KCTD8: variants seen among roughly 807,000 people sequenced by gnomAD.
KCTD8 encodes the protein potassium channel tetramerization domain containing 8, also known as BTB/POZ domain-containing protein KCTD8.
In KCTD8, 27 loss-of-function variants were observed where a neutral mutation model predicts 31.5. That is an observed-to-expected ratio of 0.86 (90% confidence interval 0.63 to 1.18). KCTD8 has a LOEUF of 1.18. KCTD8 is among the 50% of genes most tolerant of loss of function. KCTD8 has a pLI of 0.00. For missense variants in KCTD8, 658 were observed against 647.7 expected (o/e 1.02, Z -0.17); for synonymous variants, 290 against 280.0 (o/e 1.04, Z -0.36).
intron 1 of KCTD8, among the ~76,000 whole-genome samples, chr4:44,222,303 G>A (rs1239808897): frequency 1.3e-5 from 2 of 152,172 alleles, no homozygotes; most frequent in African/African-American, 2.4e-5. Context: ...CAGTCAGGAA[G>A]GAAAGCTCAA....
chr4:44,186,280 A>C (rs78370996), intron 1 of KCTD8, among the ~76,000 whole-genome samples: 6,016 of 152,290 alleles, frequency 0.04, 422 homozygotes, highest in African/African-American at 0.14. Flanking sequence ...GGAAGCAGTC[A>C]GAGGAGAATT....
intron 1 of KCTD8, among the ~76,000 whole-genome samples, chr4:44,408,775 C>T (rs1448120208): frequency 6.6e-6 from 1 of 152,020 alleles, no homozygotes; most frequent in East Asian, 2.0e-4. Context: ...CATGCCACCA[C>T]GCCCAGCTAA....
Position 44,300,339 on chromosome 4 carries a change from GA to G in KCTD8, c.962-125090del, listed in dbSNP as rs200322603. On this transcript the variant is annotated intron_variant, in intron 1 of 1. Transcript: ENST00000360029. The stretch of plus-strand genomic sequence containing the variant: ...GGATCTAATTACAATCATGCTATCA[GA>G]AAAAAAAGGTTATATTCATGTACAT... Among the ~76,000 whole-genome samples, 384 of 151,130 alleles carry G rather than the reference GA, an allele frequency of 2.5e-3. 11 individuals carry two copies. The East Asian group carries it at 0.059, about 23-fold the overall frequency.
chr4:44,446,076 C>G (rs1721931605), intron 1 of KCTD8, among the ~76,000 whole-genome samples: 1 of 152,108 alleles, frequency 6.6e-6, no homozygotes, highest in Non-Finnish European at 1.5e-5. Context: ...TCTGTTGAAA[C>G]CGTTGTCTCA....
At chr4:44,354,110 C>T (rs1719284006) in intron 1 of KCTD8, among the ~76,000 whole-genome samples, 1 of 152,058 alleles carries the variant, frequency 6.6e-6, no homozygotes, top group Non-Finnish European at 1.5e-5. Context: ...TTTGCAATAA[C>T]ATATGTATCC....
intron 1 of KCTD8, among the ~76,000 whole-genome samples, chr4:44,187,050 A>C (rs566092318): frequency 6.6e-6 from 1 of 152,274 alleles, no homozygotes; most frequent in Non-Finnish European, 1.5e-5. Context: ...TCGAAGATAA[A>C]CCATTTAGCA....
At chr4:44,195,944 T>G (rs1030842114) in intron 1 of KCTD8, among the ~76,000 whole-genome samples, 1 of 152,130 alleles carries the variant, frequency 6.6e-6, no homozygotes, top group Non-Finnish European at 1.5e-5. Context: ...AGTCAAATAG[T>G]TAAAAGTAAA....
chr4:44,186,712 C>T (rs1408239487), intron 1 of KCTD8, among the ~76,000 whole-genome samples: 1 of 152,134 alleles, frequency 6.6e-6, no homozygotes, highest in East Asian at 1.9e-4. Flanking sequence ...CATCACATGC[C>T]CTGCCAGGGG....
chr4:44,269,934 C>T (rs1716528049), intron 1 of KCTD8, among the ~76,000 whole-genome samples: 3 of 152,126 alleles, frequency 2.0e-5, no homozygotes, highest in Admixed American at 2.0e-4. Flanking sequence ...CACTTTTACA[C>T]TGTTGGTGGG....
intron 1 of KCTD8, among the ~76,000 whole-genome samples, chr4:44,194,241 G>A (rs547768715): frequency 6.6e-6 from 1 of 152,296 alleles, no homozygotes; most frequent in African/African-American, 2.4e-5. Context: ...GTGTTGAGAT[G>A]CCTTGAACTT....
chr4:44,367,674 T>C (rs773826206), intron 1 of KCTD8, among the ~76,000 whole-genome samples: 4 of 152,008 alleles, frequency 2.6e-5, no homozygotes, highest in Non-Finnish European at 4.4e-5. Context: ...AAGACAGCAA[T>C]AGAAAAAAAT....
intron 1 of KCTD8, among the ~76,000 whole-genome samples, chr4:44,376,959 G>C (rs2109440058): frequency 6.6e-6 from 1 of 152,264 alleles, no homozygotes; most frequent in East Asian, 1.9e-4. Flanking sequence ...GAAAGAAAGA[G>C]AAATAATCCT....
At chr4:44,257,451 A>C (rs1329064322) in intron 1 of KCTD8, among the ~76,000 whole-genome samples, 2 of 152,006 alleles carry the variant, frequency 1.3e-5, no homozygotes, top group African/African-American at 4.8e-5. Context: ...AAAGGCTAGG[A>C]CTGTCCCTTA....
intron 1 of KCTD8, among the ~76,000 whole-genome samples, chr4:44,395,845 C>A (rs1382535538): frequency 6.6e-6 from 1 of 152,046 alleles, no homozygotes; most frequent in East Asian, 1.9e-4. Flanking sequence ...CACTATATAG[C>A]AGCAGTCTCC....
chr4:44,277,505 G>T (rs1021053332), intron 1 of KCTD8, among the ~76,000 whole-genome samples: 1 of 151,702 alleles, frequency 6.6e-6, no homozygotes, highest in Admixed American at 6.6e-5. Context: ...TTGGTACGCT[G>T]CAAAAAACAG....
intron 1 of KCTD8, among the ~76,000 whole-genome samples, chr4:44,323,681 C>A (rs1334377361): frequency 6.6e-6 from 1 of 151,736 alleles, no homozygotes; most frequent in Non-Finnish European, 1.5e-5. Context: ...GTGGCAAAAA[C>A]CACAATTACT....
chr4:44,251,470 ATT>A (rs954503282), intron 1 of KCTD8, among the ~76,000 whole-genome samples: 2 of 151,560 alleles, frequency 1.3e-5, no homozygotes, highest in African/African-American at 4.8e-5. Flanking sequence ...CTCTCAACTT[ATT>A]TGTGTCTTTT....
chr4:44,361,199 G>A (rs1334914462), intron 1 of KCTD8, among the ~76,000 whole-genome samples: 1 of 143,894 alleles, frequency 6.9e-6, no homozygotes, highest in Non-Finnish European at 1.5e-5. Context: ...TATAAAATCA[G>A]TTTTCCTTGG....
chr4:44,257,033 A>C (rs532900372), intron 1 of KCTD8, among the ~76,000 whole-genome samples: 5 of 152,106 alleles, frequency 3.3e-5, no homozygotes, highest in African/African-American at 1.2e-4. Flanking sequence ...GTATGATCTA[A>C]TTTACATAAC....
Sources: allele counts gnomAD v4.1 joint callset (sites outside exome capture counted in the v4.1 genomes callset), GRCh38; gene constraint gnomAD v4.1.1; transcripts MANE v1.5; gene names NCBI Gene and HGNC (gene_info 2026-07-23, HGNC 2026-07-21).